SETD5: variants seen among roughly 807,000 people sequenced by gnomAD.
The protein encoded by SETD5 is SET domain containing 5.
SETD5 carries 44 observed loss-of-function variants against 153.3 expected under a neutral mutation model. The ratio of observed to expected loss-of-function variants is 0.29; its 90% CI spans 0.23 to 0.37. SETD5 has a LOEUF of 0.37. SETD5 is among the 10% of genes least tolerant of loss of function. The pLI, the probability that SETD5 is intolerant of heterozygous loss-of-function variation, is 1.00. For missense variants in SETD5, 1,544 were observed against 1,768.0 expected (o/e 0.87, Z 2.27); for synonymous variants, 716 against 645.2 (o/e 1.11, Z -1.66).
At chr3:9,466,060 A>G (rs1020141705) in intron 18 of SETD5, among the ~76,000 whole-genome samples, 1 of 152,138 alleles carries the variant, frequency 6.6e-6, no homozygotes, top group African/African-American at 2.4e-5. Flanking sequence ...AGGCTGAGGC[A>G]GGCGGATCAC....
In SETD5 at chr3:9,440,672, AAC is replaced by A; in HGVS notation, c.788_789del (p.Thr263SerfsTer49). 2 of 1,613,544 alleles carry A rather than the reference AAC, an allele frequency of 1.2e-6. No individual in the cohort carries two copies. Among genetic ancestry groups the A allele is most frequent in the Non-Finnish European group, 1.7e-6 (2 of 1,179,690 alleles). On this transcript the variant is annotated frameshift_variant, in exon 8 of 23. Coordinates refer to ENST00000402198, the MANE Select transcript of SETD5 (RefSeq NM_001080517.3). LOFTEE classifies it high-confidence loss of function. ...TAATAAGACTGAATTGGCCTGTAAT[AAC>A]ACAGTTATTGGTTCCCAAATGCAGG... Reference protein sequence around the residue: ...TINKTELACNNTVIGSQMQLQ... With the variant: ...TINKTELACNXTVIGSQMQLQ...
intron 7 of SETD5, chr3:9,436,983 G>A: frequency 8.8e-7 from 1 of 1,135,124 alleles, no homozygotes; most frequent in East Asian, 2.7e-5. Flanking sequence ...TGGGAATCTT[G>A]GACTCTGCTT....
At chr3:9,407,352 A>G (rs1358036920) in intron 1 of SETD5, among the ~76,000 whole-genome samples, 1 of 152,134 alleles carries the variant, frequency 6.6e-6, no homozygotes, top group Non-Finnish European at 1.5e-5. Context: ...TAAAGAAGTT[A>G]CTGTAGATGC....
At chr3:9,449,312 A>G (rs546521795) in intron 16 of SETD5, among the ~76,000 whole-genome samples, 22 of 152,120 alleles carry the variant, frequency 1.4e-4, no homozygotes, top group South Asian at 8.3e-4. Context: ...CTCTTTCTTA[A>G]TTCCCAGAAG....
intron 3 of SETD5, 180 bp downstream of exon 3, chr3:9,429,189 G>A (rs2039665402): frequency 7.7e-6 from 3 of 390,002 alleles, no homozygotes; most frequent in Non-Finnish European, 1.4e-5. Context: ...ATTAGAAGGG[G>A]AAGGAAGAGT....
intron 17 of SETD5, among the ~76,000 whole-genome samples, chr3:9,456,116 G>GA (rs1274372781): frequency 6.6e-6 from 1 of 152,030 alleles, no homozygotes; most frequent in Non-Finnish European, 1.5e-5. Context: ...TTCTATAATA[G>GA]AAAAAATCAA....
chr3:9,417,190 C>T (rs1204601494), intron 1 of SETD5, among the ~76,000 whole-genome samples: 3 of 152,234 alleles, frequency 2.0e-5, no homozygotes, highest in South Asian at 4.1e-4. Context: ...AGGGTTCACA[C>T]CCCAGAGGTA....
intron 16 of SETD5, 38 bp downstream of exon 16, chr3:9,448,668 G>A (rs187073560): frequency 2.0e-6 from 3 of 1,464,242 alleles, no homozygotes; most frequent in Non-Finnish European, 2.7e-6. Context: ...GTGTTTATGT[G>A]TGTGTGCTTT....
intron 15 of SETD5, 100 bp from the exon 16 acceptor site, chr3:9,448,288 G>C: frequency 7.4e-6 from 11 of 1,486,706 alleles, no homozygotes; most frequent in Non-Finnish European, 9.9e-6. Flanking sequence ...TACTGCAGCT[G>C]CTGCATCTCC....
rs371422137 is a variant in SETD5 at position 9,436,751 on chromosome 3, G to A, written c.567+845G>A. ...TACCTAGAGAAAGGGGGACAGAATA[G>A]AACACTAGTTTGTGCCTTAGTTTTA... On this transcript the variant is annotated intron_variant, in intron 7 of 22. Transcript: ENST00000402198. 5.9e-6 allele frequency: 6 copies of A among 1,019,934 alleles called. No homozygotes were observed. The African/African-American group carries it at 6.4e-5, about 11-fold the overall frequency. The allele number at this position is 1,019,934 out of a possible 1,614,324, so 63.2% of individuals were successfully genotyped here.
intron 13 of SETD5, among the ~76,000 whole-genome samples, chr3:9,445,973 T>TTTTTTTTTTTTTTTTTC (rs2041921510): frequency 6.8e-6 from 1 of 146,456 alleles, no homozygotes; most frequent in Non-Finnish European, 1.5e-5. Flanking sequence ...TTGTTTTTTT[T>TTTTTTTTTTTTTTTTTC]TTTTTTTTTT....
chr3:9,470,275 T>C (rs926196827), intron 18 of SETD5, among the ~76,000 whole-genome samples, 184 bp from the exon 19 acceptor site: 11 of 152,224 alleles, frequency 7.2e-5, no homozygotes. Context: ...CAGGATTCTT[T>C]AGTACTCTGG....
intron 1 of SETD5, among the ~76,000 whole-genome samples, chr3:9,421,368 G>T (rs1446947774): frequency 6.6e-6 from 1 of 151,762 alleles, no homozygotes; most frequent in Non-Finnish European, 1.5e-5. Flanking sequence ...AAACTCCTGG[G>T]CTCAAGCAAT....
At chr3:9,445,462 A>T (rs1018027575) in intron 12 of SETD5, 162 bp downstream of exon 12, 6 of 955,418 alleles carry the variant, frequency 6.3e-6, no homozygotes, top group Admixed American at 2.6e-5. Context: ...TGTTTTACAA[A>T]GTCAAAAACA....
intron 10 of SETD5, among the ~76,000 whole-genome samples, chr3:9,442,467 G>A (rs918189175): frequency 1.1e-4 from 16 of 152,200 alleles, no homozygotes; most frequent in African/African-American, 3.6e-4. Flanking sequence ...GAGCAAGTTA[G>A]CATTTGCTAA....
In SETD5 at chr3:9,444,818, C is replaced by T. The variant is rs1164827205; in HGVS notation, c.1188-230C>T. Among the ~76,000 whole-genome samples the T allele has an allele frequency of 2.0e-5, 3 of 151,918 alleles. No individual in the cohort carries two copies. The East Asian group carries it at 5.8e-4, about 29-fold the overall frequency. ...CTTGAGCCCAGGAAACAGAGATTAC[C>T]GAGAGCTGTGATGCACCACTGCACT... is the stretch of plus-strand genomic sequence containing the variant. On this transcript the variant is annotated intron_variant, in intron 11 of 22. Coordinates refer to ENST00000402198, the MANE Select transcript of SETD5 (RefSeq NM_001080517.3).
chr3:9,457,641 C>A (rs1239554901), intron 17 of SETD5, among the ~76,000 whole-genome samples: 1 of 150,030 alleles, frequency 6.7e-6, no homozygotes, highest in Non-Finnish European at 1.5e-5. Flanking sequence ...CCAAACTTAA[C>A]AAAACTAAGA....
chr3:9,417,609 C>T (rs930627294), intron 1 of SETD5, among the ~76,000 whole-genome samples: 1 of 151,664 alleles, frequency 6.6e-6, no homozygotes, highest in Non-Finnish European at 1.5e-5. Flanking sequence ...CCTCAGCCTC[C>T]CAAGTAGCTG....
At chr3:9,465,479 A>T (rs901882785) in intron 18 of SETD5, among the ~76,000 whole-genome samples, 2 of 152,204 alleles carry the variant, frequency 1.3e-5, no homozygotes, top group African/African-American at 4.8e-5. Flanking sequence ...CCTTCTCAGA[A>T]AAATTTGTTC....
Sources: gnomAD v4.1 joint callset for allele counts (sites outside exome capture counted in the v4.1 genomes callset) on GRCh38, gnomAD v4.1.1 for gene constraint, MANE v1.5 for transcripts, NCBI Gene and HGNC (gene_info 2026-07-23, HGNC 2026-07-21) for gene names.